The following ANKRD30A variants were observed in gnomAD, a reference collection of about 807,000 sequenced individuals.
ANKRD30A encodes ankyrin repeat domain 30A.
In ANKRD30A, 170 loss-of-function variants were observed where a neutral mutation model predicts 166.3. The ratio of observed to expected loss-of-function variants is 1.02; its 90% confidence interval spans 0.90 to 1.16. The LOEUF (loss-of-function observed/expected upper bound fraction) is 1.16. ANKRD30A is among the 50% of genes most tolerant of loss of function. The probability of loss-of-function intolerance (pLI) is 0.00; values close to 1 mark genes in which losing one functional copy is unlikely to be tolerated. For missense variants in ANKRD30A, 1,630 were observed against 1,518.0 expected, an observed-to-expected ratio of 1.07 and a Z score of -1.23; for synonymous variants, 564 against 508.9, an observed-to-expected ratio of 1.11 and a Z score of -1.46.
intron 15 of ANKRD30A, among the ~76,000 whole-genome samples, chr10:37,159,718 T>A (rs966558295): frequency 6.6e-6 from 1 of 152,154 alleles, no homozygotes; most frequent in African/African-American, 2.4e-5. Flanking sequence ...TTGTTTTGTT[T>A]TTGTTTTTTT....
At chr10:37,160,593 C>G (rs1356758402) in intron 15 of ANKRD30A, among the ~76,000 whole-genome samples, 1 of 152,038 alleles carries the variant, frequency 6.6e-6, no homozygotes, top group Non-Finnish European at 1.5e-5. Context: ...ACCTCTGAGT[C>G]TTTTTTCTCT....
chr10:37,167,740 A>C (rs1318626298), intron 19 of ANKRD30A, among the ~76,000 whole-genome samples: 1 of 151,618 alleles, frequency 6.6e-6, no homozygotes, highest in Non-Finnish European at 1.5e-5. Flanking sequence ...ATGGGTATGA[A>C]AATCAAGGAA....
At position 37,219,389 on chromosome 10, in the gene ANKRD30A, C is replaced by T. The variant is rs779261333; in HGVS notation, c.3677C>T (p.Ala1226Val). 13 of 1,610,508 alleles carry T rather than the reference C, an allele frequency of 8.1e-6. No homozygotes were observed. Among genetic ancestry groups the T allele is most frequent in the Non-Finnish European group, 1.1e-5 (13 of 1,177,750 alleles). The change falls in exon 34 of 36, where the codon GCA becomes GTA. Residue 1226 changes from alanine (A) to valine (V), a missense_variant. Physicochemically the swap from Ala to Val is moderately conservative, Grantham distance 64. Around this residue, in one of 4 missense-constraint regions of ANKRD30A, gnomAD observed 712 missense variants for 629.3 expected, o/e 1.13. Coordinates refer to ENST00000361713, the MANE Select transcript of ANKRD30A (RefSeq NM_052997.3). ...AGTCAAGAACCTGCTTTCCACATTG[C>T]AGGAGATGCTTGTTTGCAAAGAAAA... ...RKSQEPAFHI[A>V]GDACLQRKMN...
rs1300130037 is a variant in ANKRD30A at position 37,142,119 on chromosome 10, T to C, written c.1222T>C (p.Trp408Arg). 1.1e-5 allele frequency: 17 copies of C among 1,613,452 alleles called. No individual in the cohort carries two copies. Among genetic ancestry groups the C allele is most frequent in the Non-Finnish European group, 1.4e-5 (17 of 1,179,882 alleles). ...AAAAGAAACATCTGAGAAATTTACG[T>C]GGGCAGCAAAAGGAAGACCTAGGAA... The part of the protein sequence containing the change: ...PAKETSEKFT[W>R]AAKGRPRKIA... The change falls in exon 7 of 36, where the codon TGG (tryptophan) becomes CGG (arginine). Residue 408 changes from tryptophan to arginine, a missense_variant. Physicochemically the swap from Trp to Arg is moderately radical, Grantham distance 101. Around this residue, in one of 4 missense-constraint regions of ANKRD30A, gnomAD observed 904 missense variants for 818.5 expected, o/e 1.10. Coordinates refer to ENST00000361713, the MANE Select transcript of ANKRD30A (RefSeq NM_052997.3).
the ANKRD30A span, among the ~76,000 whole-genome samples, chr10:37,249,657 A>G: frequency 1.3e-5 from 2 of 152,202 alleles, no homozygotes; most frequent in African/African-American, 4.8e-5. Context: ...TTGCAGTGAC[A>G]AAACTATTAA....
At chr10:37,131,716 T>C (rs960850488) in intron 3 of ANKRD30A, among the ~76,000 whole-genome samples, 19 of 152,188 alleles carry the variant, frequency 1.2e-4, no homozygotes, top group Non-Finnish European at 2.8e-4. Context: ...AAAAATATAT[T>C]GTCAAATAAG....
downstream of ANKRD30A, chr10:37,232,698 AG>A (rs2132769923): frequency 1.4e-3 from 2 of 1,404 alleles, no homozygotes; most frequent in African/African-American, 2.2e-3. Flanking sequence ...ATATATAAAT[AG>A]AGAGAGAGAG....
At chr10:37,154,280 A>G (rs17590441) in intron 13 of ANKRD30A, among the ~76,000 whole-genome samples, 2,154 of 152,322 alleles carry the variant, frequency 0.014, 19 homozygotes, top group Non-Finnish European at 0.021. Context: ...ATAGACCAGA[A>G]GTTTTCAAAC....
At chr10:37,234,111 C>G (rs1843566310), downstream of ANKRD30A, among the ~76,000 whole-genome samples, 1 of 152,110 alleles carries the variant, frequency 6.6e-6, no homozygotes, top group Admixed American at 6.6e-5. Flanking sequence ...AGCCAGTGTT[C>G]TCTATGTTGA....
intron 31 of ANKRD30A, among the ~76,000 whole-genome samples, chr10:37,202,841 C>A (rs1305717474): frequency 2.0e-5 from 3 of 152,170 alleles, no homozygotes; most frequent in Admixed American, 6.5e-5. Context: ...AAACTACCAT[C>A]AGAGAATACT....
At chr10:37,210,042 C>T (rs1382845981) in intron 31 of ANKRD30A, among the ~76,000 whole-genome samples, 4 of 152,062 alleles carry the variant, frequency 2.6e-5, no homozygotes, top group Non-Finnish European at 4.4e-5. Flanking sequence ...TATACACATT[C>T]CATGGTGGTT....
intron 31 of ANKRD30A, among the ~76,000 whole-genome samples, chr10:37,204,957 T>C (rs1293589058): frequency 2.6e-5 from 4 of 152,140 alleles, no homozygotes; most frequent in African/African-American, 9.7e-5. Context: ...CAACAGGTGC[T>C]GGAGAGGATG....
intron 31 of ANKRD30A, among the ~76,000 whole-genome samples, chr10:37,211,237 C>T (rs2132719880): frequency 6.6e-6 from 1 of 151,956 alleles, no homozygotes; most frequent in Middle Eastern, 3.4e-3. Context: ...GTGTGCTGCA[C>T]CCATTGGCTC....
the ANKRD30A span, among the ~76,000 whole-genome samples, chr10:37,250,168 A>G: frequency 5.9e-5 from 9 of 152,186 alleles, no homozygotes; most frequent in South Asian, 4.1e-4. Context: ...AATTGTGTAC[A>G]TATTGCTTAT....
chr10:37,262,946 A>G, the ANKRD30A span, among the ~76,000 whole-genome samples: 2 of 152,152 alleles, frequency 1.3e-5, no homozygotes, highest in Non-Finnish European at 2.9e-5. Context: ...GTATTTTTAA[A>G]TAAGATGATG....
Position 37,219,188 on chromosome 10 carries a change from A to G in ANKRD30A, c.3476A>G (p.Lys1159Arg). 1 of 1,610,684 alleles carries G rather than the reference A, an allele frequency of 6.2e-7. No homozygotes were observed. Among genetic ancestry groups the G allele is most frequent in the Non-Finnish European group, 8.5e-7 (1 of 1,177,634 alleles). The change falls in exon 34 of 36, where the codon AAA becomes AGA. Residue 1159 changes from lysine to arginine, a missense_variant. Coordinates refer to ENST00000361713, the MANE Select transcript of ANKRD30A (RefSeq NM_052997.3). ...TLKLKEESLTKRASQYSGQLK... is the reference protein window; with the variant it reads ...TLKLKEESLTRRASQYSGQLK... ...AAACTGAAAGAGGAATCATTAACTA[A>G]AAGGGCATCTCAATATAGTGGGCAG...
At chr10:37,256,231 A>T in the ANKRD30A span, among the ~76,000 whole-genome samples, 1 of 152,114 alleles carries the variant, frequency 6.6e-6, no homozygotes, top group Non-Finnish European at 1.5e-5. Context: ...CCTGAATGTG[A>T]TTACCCTACC....
chr10:37,166,242 G>A (rs189360393), intron 18 of ANKRD30A, among the ~76,000 whole-genome samples: 42 of 152,266 alleles, frequency 2.8e-4, no homozygotes, highest in East Asian at 3.9e-4. Flanking sequence ...TAGCAAATGC[G>A]TTGTATTTTG....
chr10:37,147,367 C>G lies in ANKRD30A; in HGVS notation c.1456-3C>G. The G allele has an allele frequency of 6.4e-7, 1 of 1,565,436 alleles. No homozygotes were observed. The highest frequency in any genetic ancestry group is 8.7e-7 in the Non-Finnish European group (1 of 1,153,694). On this transcript the variant is annotated splice_region_variant and splice_polypyrimidine_tract_variant and intron_variant, in intron 8 of 35. Transcript: ENST00000361713. ...AATTATCTATTGATACTACTTTTAA[C>G]AGAGTCTCTTTGAGAGTTCTGCAAA...
Sources: allele counts gnomAD v4.1 joint callset (sites outside exome capture counted in the v4.1 genomes callset), GRCh38; gene constraint gnomAD v4.1.1; regional missense constraint gnomAD v4.1.1; transcripts MANE v1.5; gene names NCBI Gene and HGNC (gene_info 2026-07-23, HGNC 2026-07-21).